DMD: variants seen among roughly 807,000 people sequenced by gnomAD.
DMD encodes dystrophin.
Under a neutral mutation model 330.1 loss-of-function variants are expected in DMD, and 63 were observed. The observed-to-expected ratio is 0.19, with a 90% confidence interval of 0.16 to 0.24. The LOEUF (loss-of-function observed/expected upper bound fraction) is 0.24, where lower values mean the gene tolerates loss of function less well. DMD is among the 10% of genes least tolerant of loss of function. The probability of loss-of-function intolerance (pLI) is 1.00; values close to 1 mark genes in which losing one functional copy is unlikely to be tolerated. For missense variants in DMD, 3,344 were observed against 2,684.1 expected, an observed-to-expected ratio of 1.25 and a Z score of -5.43; for synonymous variants, 1,223 against 959.8, an observed-to-expected ratio of 1.27 and a Z score of -5.07.
intron 7 of DMD, among the ~76,000 whole-genome samples, chrX:32,772,999 C>T (rs769036993): frequency 8.9e-6 from 1 of 111,931 alleles, no homozygotes; most frequent in South Asian, 3.8e-4. Context: ...ATACTTAGAA[C>T]CATCCAGCTC....
At chrX:31,859,919 C>T (rs2093672560) in intron 48 of DMD, among the ~76,000 whole-genome samples, 2 of 111,589 alleles carry the variant, frequency 1.8e-5, no homozygotes, top group Admixed American at 9.5e-5. Flanking sequence ...GTTTCTGCAC[C>T]GCGTTCTGTC....
intron 1 of DMD, among the ~76,000 whole-genome samples, chrX:33,178,190 TG>T (rs775122140): frequency 3.6e-5 from 4 of 112,298 alleles, no homozygotes; most frequent in Non-Finnish European, 7.5e-5. Flanking sequence ...CAGTGGGATT[TG>T]GAGGAAAGCT....
intron 44 of DMD, among the ~76,000 whole-genome samples, chrX:32,103,483 T>C (rs1415498398): frequency 8.9e-6 from 1 of 111,754 alleles, no homozygotes; most frequent in Non-Finnish European, 1.9e-5. Context: ...CTCCTTCTGA[T>C]GACATTTCAA....
chrX:32,432,184 T>C (rs765157272), intron 29 of DMD, among the ~76,000 whole-genome samples: 1 of 111,892 alleles, frequency 8.9e-6, no homozygotes, highest in Non-Finnish European at 1.9e-5. Context: ...GTTTGTTCTC[T>C]CTGCAGATAG....
rs754545800 is a variant in DMD, at chrX:32,771,503, T to TACACACACACAC, written c.649+37978_649+37989dup. Among the ~76,000 whole-genome samples the TACACACACACAC allele has an allele frequency of 2.6e-3, 274 of 105,791 alleles. 3 individuals carry two copies. Among genetic ancestry groups the TACACACACACAC allele is most frequent in the African/African-American group, 9.0e-3 (255 of 28,272 alleles). 91.9% of individuals were successfully genotyped at this position (105,791 alleles called of 115,157 possible). A position where few individuals can be genotyped will look rare whatever the true frequency, so the allele number is the denominator to read the frequency against. On this transcript the variant is annotated intron_variant, in intron 7 of 78. Transcript: ENST00000357033. ...AAATTCCCTAATCCCATTTTGTTAA[T>TACACACACACAC]ACACACACACACACACACACACTCT...
intron 5 of DMD, among the ~76,000 whole-genome samples, chrX:32,820,089 G>C (rs968962859): frequency 9.0e-6 from 1 of 111,627 alleles, no homozygotes; most frequent in Non-Finnish European, 1.9e-5. Context: ...GACAAAGAAA[G>C]ATTTAAAAAG....
chrX:33,235,914 TTA>T (rs1280497271), intron 1 of DMD, among the ~76,000 whole-genome samples: 22 of 87,657 alleles, frequency 2.5e-4, no homozygotes, highest in African/African-American at 4.2e-4. Context: ...ATTATTATTA[TTA>T]TTTTTTTTTT....
intron 78 of DMD, among the ~76,000 whole-genome samples, chrX:31,126,153 C>T (rs1345080850): frequency 9.0e-6 from 1 of 111,470 alleles, no homozygotes; most frequent in African/African-American, 3.3e-5. Context: ...AAAAAATGTT[C>T]GCTAAAATGG....
intron 7 of DMD, among the ~76,000 whole-genome samples, chrX:32,712,746 A>G (rs901262689): frequency 2.7e-5 from 3 of 111,448 alleles, no homozygotes; most frequent in Non-Finnish European, 5.7e-5. Context: ...GCAGTCCATC[A>G]TAGGTTTTAT....
chrX:31,178,042 C>G, intron 70 of DMD, 72 bp from the exon 71 acceptor site: 1 of 1,113,381 alleles, frequency 9.0e-7, no homozygotes. Context: ...ACTGAAAGGT[C>G]AAAATAAATA....
In DMD at chrX:31,688,517, C is replaced by G. The variant is rs1603447560; in HGVS notation, c.7661-8931G>C. Among the ~76,000 whole-genome samples the G allele has an allele frequency of 3.6e-5, 4 of 111,725 alleles. No individual in the cohort carries two copies. The South Asian group carries it at 1.5e-3, about 42-fold the overall frequency. On this transcript the variant is annotated intron_variant, in intron 52 of 78. Transcript: ENST00000357033. ...AAAAAAGTCCAGGACCAGACGGATT[C>G]ACAGCCGAATTCTACCAGAGGTGCA...
chrX:32,477,712 A>T (rs1353899409), intron 21 of DMD, among the ~76,000 whole-genome samples: 1 of 108,592 alleles, frequency 9.2e-6, no homozygotes, highest in African/African-American at 3.5e-5. Flanking sequence ...GCAATCGGTT[A>T]TATATAACAC....
At chrX:33,162,328 A>C (rs1416609640) in intron 1 of DMD, among the ~76,000 whole-genome samples, 1 of 111,964 alleles carries the variant, frequency 8.9e-6, no homozygotes, top group Non-Finnish European at 1.9e-5. Context: ...TGACTGCCGA[A>C]GTGTATATTC....
intron 2 of DMD, among the ~76,000 whole-genome samples, chrX:32,994,821 A>C (rs749690611): frequency 2.7e-5 from 3 of 112,616 alleles, no homozygotes; most frequent in African/African-American, 9.7e-5. Flanking sequence ...TTACTTGTTC[A>C]TTAAAAATAA....
At chrX:32,307,277 A>T (rs1463173320) in intron 42 of DMD, among the ~76,000 whole-genome samples, 1 of 111,322 alleles carries the variant, frequency 9.0e-6, no homozygotes, top group Non-Finnish European at 1.9e-5. Context: ...TTAATCCTGG[A>T]ACAGAATTTT....
intron 9 of DMD, among the ~76,000 whole-genome samples, chrX:32,671,163 C>T (rs1473343383): frequency 1.8e-5 from 2 of 110,777 alleles, no homozygotes; most frequent in Non-Finnish European, 3.8e-5. Flanking sequence ...GATAATTATA[C>T]ATATATCTCT....
intron 7 of DMD, among the ~76,000 whole-genome samples, chrX:32,720,079 ATTAC>A (rs1269647162): frequency 1.8e-5 from 2 of 111,147 alleles, no homozygotes; most frequent in Non-Finnish European, 3.8e-5. Flanking sequence ...ACAAGACAAC[ATTAC>A]TAGCATTTCT....
Position 32,605,642 on chromosome X carries a change from G to A in DMD, c.1482+8661C>T, listed in dbSNP as rs149769327. On this transcript the variant is annotated intron_variant, in intron 12 of 78. Coordinates refer to ENST00000357033, the MANE Select transcript of DMD (RefSeq NM_004006.3). ...AACTTATAGAATGGAAAACAATTCC[G>A]AACTATACATCTAACAAAAAACTAA... 2.2e-3 allele frequency among the ~76,000 whole-genome samples: 238 copies of A among 110,092 alleles called. 1 individual carries two copies. In the East Asian group the frequency reaches 0.026, roughly 12 times the overall value.
chrX:31,712,473 C>T (rs1285193511), intron 52 of DMD, among the ~76,000 whole-genome samples: 2 of 111,598 alleles, frequency 1.8e-5, no homozygotes, highest in African/African-American at 6.5e-5. Flanking sequence ...TCCAGGTTAC[C>T]ACACACTTTG....
Sources: allele counts gnomAD v4.1 joint callset (sites outside exome capture counted in the v4.1 genomes callset), GRCh38; gene constraint gnomAD v4.1.1; transcripts MANE v1.5; gene names NCBI Gene and HGNC (gene_info 2026-07-23, HGNC 2026-07-21).